SYPL1: variants seen among roughly 807,000 people sequenced by gnomAD.
The protein encoded by SYPL1 is synaptophysin like 1, also known as synaptophysin-like protein 1.
SYPL1 carries 6 observed loss-of-function variants against 23.7 expected under a neutral mutation model. That is an observed-to-expected ratio of 0.25 (90% CI 0.14 to 0.50). The LOEUF (loss-of-function observed/expected upper bound fraction) is 0.50, where lower values mean the gene tolerates loss of function less well. Ranked by LOEUF, SYPL1 falls within the 20% of genes least tolerant of loss-of-function variation. The pLI is 0.98. For synonymous variants in SYPL1, 102 were observed against 104.5 expected, an observed-to-expected ratio of 0.98 and a Z score of 0.15; for missense variants, 253 against 288.9, an observed-to-expected ratio of 0.88 and a Z score of 0.90.
chr7:106,091,860 G>A lies in SYPL1; in HGVS notation c.671C>T (p.Ser224Leu). The change falls in exon 5 of 5, where the codon TCA (serine) becomes TTA (leucine). Residue 224 changes from serine (S) to leucine (L), a missense_variant. Ser to Leu is a moderately radical substitution (Grantham distance 145, BLOSUM62 -2). Coordinates refer to ENST00000455385, the MANE Select transcript of SYPL1 (RefSeq NM_182715.4). This position sits in a 1 kb window ranked among gnomAD's most constrained non-coding sequence, Gnocchi z 5.0. ...TTGGCTATGAGGGGCAGATGTATTT[G>A]ATGGACTGTGTAGGCTGGTCTCCTT... ...VYKETSLHSP[S>L]NTSAPHSQGG... 1 of 1,613,764 alleles carries A rather than the reference G, an allele frequency of 6.2e-7. No homozygotes were observed. Among genetic ancestry groups the A allele is most frequent in the Non-Finnish European group, 8.5e-7 (1 of 1,179,830 alleles).
intron 1 of SYPL1, among the ~76,000 whole-genome samples, chr7:106,106,823 G>T (rs535122086): frequency 3.3e-5 from 5 of 152,280 alleles, no homozygotes; most frequent in African/African-American, 1.2e-4. Context: ...TCCAGCCTGG[G>T]TGACAAGAGT....
rs1403852161 is a variant in SYPL1 at position 106,109,061 on chromosome 7, C to G, written c.69+3079G>C. Among the ~76,000 whole-genome samples, 1 of 152,236 alleles carries G rather than the reference C, an allele frequency of 6.6e-6. No individual in the cohort carries two copies. The highest frequency in any genetic ancestry group is 6.5e-5 in the Admixed American group (1 of 15,302). ...CAAAAACAAAAAAGAACAAAAAACC[C>G]CCACCAGTTTTACTTAAGAATGTCT... On this transcript the variant is annotated intron_variant, in intron 1 of 4. Transcript: ENST00000455385. The surrounding 1 kb of genome is among the most constrained non-coding windows in gnomAD (Gnocchi z 4.3).
At chr7:106,102,326 C>G (rs944341807) in intron 1 of SYPL1, among the ~76,000 whole-genome samples, 1 of 152,202 alleles carries the variant, frequency 6.6e-6, no homozygotes. Context: ...GAGCTCCTGA[C>G]CTCCGGTGAT....
chr7:106,107,553 G>A (rs1840668262), intron 1 of SYPL1, among the ~76,000 whole-genome samples: 1 of 151,838 alleles, frequency 6.6e-6, no homozygotes, highest in African/African-American at 2.4e-5. Context: ...CCAGCCTGGT[G>A]AAACCAGGTG....
intron 1 of SYPL1, among the ~76,000 whole-genome samples, chr7:106,101,777 T>A (rs376852130): frequency 2.5e-4 from 33 of 133,372 alleles, no homozygotes; most frequent in Non-Finnish European, 3.4e-4. Flanking sequence ...ACGTTTAAAT[T>A]AAAAAAAAAA....
Position 106,097,743 on chromosome 7 carries a change from G to C in SYPL1, c.349C>G (p.Leu117Val), listed in dbSNP as rs903391170. 6.2e-7 allele frequency: 1 copy of C among 1,613,850 alleles called. No homozygotes were observed. The highest frequency in any genetic ancestry group is 1.7e-5 in the Admixed American group (1 of 59,996). Residue 117 changes from leucine (L) to valine (V), a missense_variant, in exon 3 of 5, where the codon CTT (leucine) becomes GTT (valine). Transcript: ENST00000455385. This position sits in a 1 kb window ranked among gnomAD's most constrained non-coding sequence, Gnocchi z 4.6. ...VFLYCIAALL[L>V]YVGYTSLYLD... ...TACAGACTCGTGTAGCCAACATAAA[G>C]CAGAAGGGCAGCAATGCAGTACAGG...
In SYPL1 at chr7:106,104,893, T is replaced by C. The variant is rs1840515342; in HGVS notation, c.70-5611A>G. ...TGGTAAAACCCGGCCTGCAAATATA[T>C]TTGTGTGGCCTTTCCAGTATTACAA... On this transcript the variant is annotated intron_variant, in intron 1 of 4. Coordinates refer to ENST00000455385, the MANE Select transcript of SYPL1 (RefSeq NM_182715.4). This position sits in a 1 kb window ranked among gnomAD's most constrained non-coding sequence, Gnocchi z 4.1. Among the ~76,000 whole-genome samples, 1 of 152,212 alleles carries C rather than the reference T, an allele frequency of 6.6e-6. No individual in the cohort carries two copies. Among genetic ancestry groups the C allele is most frequent in the Admixed American group, 6.5e-5 (1 of 15,282 alleles).
At position 106,096,812 on chromosome 7, in the gene SYPL1, C is replaced by A. The variant is rs176490; in HGVS notation, c.402+878G>T. On this transcript the variant is annotated intron_variant, in intron 3 of 4. Transcript: ENST00000455385. The surrounding 1 kb of genome is among the most constrained non-coding windows in gnomAD (Gnocchi z 4.4). ...TCTTTTGAAAAGGGCCAAATAGCAA[C>A]TATTTTTTATCTCTGTTACAACTAC... Among the ~76,000 whole-genome samples the A allele has an allele frequency of 0.98, 149,857 of 152,330 alleles. 73,713 individuals are homozygous for A. Among genetic ancestry groups the A allele is most frequent in the East Asian group, 1 (5,188 of 5,188 alleles).
intron 1 of SYPL1, among the ~76,000 whole-genome samples, chr7:106,105,848 C>T (rs565728641): frequency 2.6e-5 from 4 of 152,116 alleles, no homozygotes; most frequent in Non-Finnish European, 5.9e-5. Context: ...TCATGCATTA[C>T]AATGTGAGTG....
In SYPL1 at chr7:106,109,643, A is replaced by G. The variant is rs910271473; in HGVS notation, c.69+2497T>C. 2.0e-5 allele frequency among the ~76,000 whole-genome samples: 3 copies of G among 152,194 alleles called. No individual in the cohort carries two copies. Among genetic ancestry groups the G allele is most frequent in the African/African-American group, 7.2e-5 (3 of 41,446 alleles). On this transcript the variant is annotated intron_variant, in intron 1 of 4. Transcript: ENST00000455385. The surrounding 1 kb of genome is among the most constrained non-coding windows in gnomAD (Gnocchi z 4.3). ...GATCTAAAGAGACCACAAACTCAATACATCTGAAACCTTTGACTTCCCATA... is the reference window on the plus strand; with the variant it reads ...GATCTAAAGAGACCACAAACTCAATGCATCTGAAACCTTTGACTTCCCATA...
Position 106,092,885 on chromosome 7 carries a change from C to T in SYPL1, c.591+64G>A, listed in dbSNP as rs914397306. 3.8e-6 allele frequency: 5 copies of T among 1,325,830 alleles called. No individual in the cohort carries two copies. In the African/African-American group the frequency reaches 7.6e-5, roughly 20 times the overall value. The allele number at this position is 1,325,830 out of a possible 1,614,324, so 82.1% of individuals were successfully genotyped here. A position where few individuals can be genotyped will look rare whatever the true frequency, so the allele number is the denominator to read the frequency against. Reference sequence around the variant, plus strand: ...GAGATTTACTGAAAGCTATTGCTTTCCTGAATTACTAGTACTTTAAACAAA... The same window carrying T: ...GAGATTTACTGAAAGCTATTGCTTTTCTGAATTACTAGTACTTTAAACAAA... On this transcript the variant is annotated intron_variant, in intron 4 of 4. Coordinates refer to ENST00000455385, the MANE Select transcript of SYPL1 (RefSeq NM_182715.4).
chr7:106,092,957 C>G lies in SYPL1; in HGVS notation c.583G>C (p.Val195Leu). The change falls in exon 4 of 5, where the codon GTA becomes CTA. Residue 195 changes from valine to leucine, a missense_variant. Transcript: ENST00000455385. ...GSVTSMGSLN[V>L]SVIFGFLNMI... ...AAATAATGCATACATACCACAGATA[C>G]ATTTAGGGATCCCATACTGGTCACA... 6.3e-7 allele frequency: 1 copy of G among 1,583,920 alleles called. No individual in the cohort carries two copies. The highest frequency in any genetic ancestry group is 8.6e-7 in the Non-Finnish European group (1 of 1,167,930).
In SYPL1 at chr7:106,095,367, T is replaced by C. The variant is rs1322829956; in HGVS notation, c.403-2230A>G. Among the ~76,000 whole-genome samples the C allele has an allele frequency of 2.0e-5, 3 of 150,250 alleles. No individual in the cohort carries two copies. Among genetic ancestry groups the C allele is most frequent in the African/African-American group, 5.0e-5 (2 of 39,882 alleles). ...AAAAAACCTTTTTTTTTTTTTCCCC[T>C]GAGATGGAGTCTTGCTCTGTCACCT... is the stretch of plus-strand genomic sequence containing the variant. On this transcript the variant is annotated intron_variant, in intron 3 of 4. Transcript: ENST00000455385. This position sits in a 1 kb window ranked among gnomAD's most constrained non-coding sequence, Gnocchi z 4.3.
In SYPL1 at chr7:106,095,771, T is replaced by C. The variant is rs1839989079; in HGVS notation, c.402+1919A>G. On this transcript the variant is annotated intron_variant, in intron 3 of 4. Coordinates refer to ENST00000455385, the MANE Select transcript of SYPL1 (RefSeq NM_182715.4). This position sits in a 1 kb window ranked among gnomAD's most constrained non-coding sequence, Gnocchi z 4.3. ...CATTATGTAACAATAAAAACCTACTTAAGGAATTTTGGATTATCTCTTTAT... is the reference window on the plus strand; with the variant it reads ...CATTATGTAACAATAAAAACCTACTCAAGGAATTTTGGATTATCTCTTTAT... Among the ~76,000 whole-genome samples, 1 of 152,216 alleles carries C rather than the reference T, an allele frequency of 6.6e-6. No homozygotes were observed. The highest frequency in any genetic ancestry group is 1.5e-5 in the Non-Finnish European group (1 of 68,040).
At chr7:106,094,250 A>C (rs1022863921) in intron 3 of SYPL1, among the ~76,000 whole-genome samples, 5 of 152,060 alleles carry the variant, frequency 3.3e-5, no homozygotes, top group East Asian at 1.9e-4. Flanking sequence ...AGGTTGGTGC[A>C]AAAGTTATTA....
chr7:106,102,953 A>G (rs1400702733), intron 1 of SYPL1, among the ~76,000 whole-genome samples: 2 of 152,224 alleles, frequency 1.3e-5, no homozygotes, highest in Non-Finnish European at 2.9e-5. Context: ...AAGAACCATA[A>G]AAGATTGTTA....
chr7:106,111,790 A>G (rs1034411381), intron 1 of SYPL1: 2 of 158,812 alleles, frequency 1.3e-5, no homozygotes, highest in African/African-American at 4.8e-5. Flanking sequence ...GGTTTCGGTT[A>G]GACCGCAGCA....
At chr7:106,107,938 T>C (rs1317591264) in intron 1 of SYPL1, among the ~76,000 whole-genome samples, 1 of 152,150 alleles carries the variant, frequency 6.6e-6, no homozygotes, top group Non-Finnish European at 1.5e-5. Flanking sequence ...CTCATGCCTA[T>C]AATCCCAGCA....
rs762280301 is a variant in SYPL1, at chr7:106,112,225, GGA to G, written c.-19_-18del. ...GCCGGACATCCTCTGAGGAAAGGAG[GGA>G]GAGAGAGTCAGGACGACGGGGCGGA... On this transcript the variant is annotated 5_prime_UTR_variant, in exon 1 of 5. Coordinates refer to ENST00000455385, the MANE Select transcript of SYPL1 (RefSeq NM_182715.4). 2 of 1,534,226 alleles carry G rather than the reference GGA, an allele frequency of 1.3e-6. No homozygotes were observed. The highest frequency in any genetic ancestry group is 8.8e-7 in the Non-Finnish European group (1 of 1,132,224).
Sources: allele counts gnomAD v4.1 joint callset (sites outside exome capture counted in the v4.1 genomes callset), GRCh38; gene constraint gnomAD v4.1.1; non-coding constraint Gnocchi (gnomAD v3.1); transcripts MANE v1.5; gene names NCBI Gene and HGNC (gene_info 2026-07-23, HGNC 2026-07-21).